PPFIA4: variants seen among roughly 807,000 people sequenced by gnomAD.
PPFIA4 encodes the protein liprin-alpha-4.
PPFIA4 carries 98 observed loss-of-function variants against 145.7 expected under a neutral mutation model. The ratio of observed to expected loss-of-function variants is 0.67; its 90% CI spans 0.57 to 0.80. The LOEUF (loss-of-function observed/expected upper bound fraction) is 0.80, where lower values mean the gene tolerates loss of function less well. PPFIA4 is among the 30% of genes least tolerant of loss of function. The pLI is 0.00. For synonymous variants in PPFIA4, 628 were observed against 649.6 expected (o/e 0.97, Z 0.51); for missense variants, 1,457 against 1,632.7 (o/e 0.89, Z 1.85).
At chr1:203,071,255 C>T (rs1001462909) in intron 27 of PPFIA4, among the ~76,000 whole-genome samples, 12 of 150,986 alleles carry the variant, frequency 7.9e-5, no homozygotes, top group East Asian at 7.8e-4. Context: ...CTGCAAGCTC[C>T]GCCTCCCGGG....
In PPFIA4 at chr1:203,076,717, C is replaced by G. The variant is rs1662577650; in HGVS notation, c.*327C>G. The G allele has an allele frequency of 1.3e-5, 5 of 392,774 alleles. No homozygotes were observed. The East Asian group carries it at 1.6e-4, about 13-fold the overall frequency. The allele number at this position is 392,774 out of a possible 1,614,324, so 24.3% of individuals were successfully genotyped here. A position where few individuals can be genotyped will look rare whatever the true frequency, so the allele number is the denominator to read the frequency against. On this transcript the variant is annotated 3_prime_UTR_variant, in exon 30 of 30. Coordinates refer to ENST00000295706, the MANE Select transcript of PPFIA4 (RefSeq NM_001304331.2). The stretch of plus-strand genomic sequence containing the variant: ...CCACCCTTCCTCTTCTGGACCCAGC[C>G]TGGTCTGCACTGCAACCTCCACCAG...
In PPFIA4 at chr1:203,078,369, C is replaced by G. The variant is rs1662674028; in HGVS notation, c.*1979C>G. 1.3e-5 allele frequency: 2 copies of G among 152,148 alleles called. No homozygotes were observed. Among genetic ancestry groups the G allele is most frequent in the Admixed American group, 6.5e-5 (1 of 15,278 alleles). The allele number at this position is 152,148 out of a possible 1,614,324, so 9.4% of individuals were successfully genotyped here. On this transcript the variant is annotated 3_prime_UTR_variant, in exon 30 of 30. Transcript: ENST00000295706. Reference sequence around the variant, plus strand: ...GGCTGGCTGTAAGGGAGACTCAGTCCCAGCCTCTCCCCTCTACAACTCCTG... The same window carrying G: ...GGCTGGCTGTAAGGGAGACTCAGTCGCAGCCTCTCCCCTCTACAACTCCTG...
At position 203,068,546 on chromosome 1, in the gene PPFIA4, A is replaced by G. The variant is rs1342372405; in HGVS notation, c.3242A>G (p.His1081Arg). 2.5e-6 allele frequency: 4 copies of G among 1,606,864 alleles called. No homozygotes were observed. The highest frequency in any genetic ancestry group is 1.3e-5 in the African/African-American group (1 of 74,546). Residue 1081 changes from histidine (H) to arginine (R), a missense_variant, in exon 27 of 30, where the codon CAT (histidine) becomes CGT (arginine). His to Arg is a conservative substitution (Grantham distance 29). Coordinates refer to ENST00000295706, the MANE Select transcript of PPFIA4 (RefSeq NM_001304331.2). This position sits in a 1 kb window ranked among gnomAD's most constrained non-coding sequence, Gnocchi z 4.7. ...YAGNLHESGV[H>R]GALLALDENF... is the part of the protein sequence containing the mutation. The stretch of plus-strand genomic sequence containing the variant: ...GGAAACCTGCATGAGAGTGGTGTGC[A>G]TGGAGCCTTGCTGGCCCTGGACGAG...
Position 203,046,036 on chromosome 1 carries a change from G to T in PPFIA4, c.1005+49G>T, listed in dbSNP as rs752055550. The T allele has an allele frequency of 2.1e-5, 34 of 1,610,042 alleles. No individual in the cohort carries two copies. In the East Asian group the frequency reaches 7.6e-4, roughly 36 times the overall value. On this transcript the variant is annotated intron_variant, in intron 8 of 29. Coordinates refer to ENST00000295706, the MANE Select transcript of PPFIA4 (RefSeq NM_001304331.2). The stretch of plus-strand genomic sequence containing the variant: ...GATGGGCATTGTACTTAGCCCTGGA[G>T]GTGTCCTCGTGAACCTACTGGTGAT...
In PPFIA4 at chr1:203,076,432, G is replaced by T; in HGVS notation, c.*42G>T. The T allele has an allele frequency of 6.3e-7, 1 of 1,575,342 alleles. No individual in the cohort carries two copies. On this transcript the variant is annotated 3_prime_UTR_variant, in exon 30 of 30. Coordinates refer to ENST00000295706, the MANE Select transcript of PPFIA4 (RefSeq NM_001304331.2). The stretch of plus-strand genomic sequence containing the variant: ...TGGCTTCCTCCTTCTGGGTTTCACA[G>T]GCTCCTCTGGCCCTGACCCCTCTTG...
rs974647823 is a variant in PPFIA4, at chr1:203,076,499, C to T, written c.*109C>T. On this transcript the variant is annotated 3_prime_UTR_variant, in exon 30 of 30. Transcript: ENST00000295706. ...CCGCAGCTCCTAGTCTCGTCCGTGA[C>T]TTTCCGGTTGCCCTGGATCTCAGAA... 1.3e-5 allele frequency: 15 copies of T among 1,142,278 alleles called. 1 individual carries two copies. Among genetic ancestry groups the T allele is most frequent in the Admixed American group, 1.8e-5 (1 of 56,092 alleles). 70.8% of individuals were successfully genotyped at this position (1,142,278 alleles called of 1,614,324 possible).
At position 203,039,941 on chromosome 1, in the gene PPFIA4, G is replaced by A. The variant is rs528421795; in HGVS notation, c.234+699G>A. ...TGCAGGTAGTGTGTGGTGGAGGCAG[G>A]AACTGAGCCTGGGGCTAAGTTTCTC... On this transcript the variant is annotated intron_variant, in intron 2 of 29. Transcript: ENST00000295706. 1.2e-4 allele frequency among the ~76,000 whole-genome samples: 18 copies of A among 152,336 alleles called. No homozygotes were observed. The South Asian group carries it at 3.7e-3, about 32-fold the overall frequency.
Position 203,068,056 on chromosome 1 carries a change from T to C in PPFIA4, c.3148+264T>C, listed in dbSNP as rs1391465405. ...CAGTGAATCCTCTGGGACGGTGTTA[T>C]AGACTGGTGTGCCTGTGGAACTTGT... is the stretch of plus-strand genomic sequence containing the variant. On this transcript the variant is annotated intron_variant, in intron 26 of 29. Coordinates refer to ENST00000295706, the MANE Select transcript of PPFIA4 (RefSeq NM_001304331.2). The surrounding 1 kb of genome is among the most constrained non-coding windows in gnomAD (Gnocchi z 4.7). 1.3e-5 allele frequency among the ~76,000 whole-genome samples: 2 copies of C among 152,172 alleles called. No individual in the cohort carries two copies. The highest frequency in any genetic ancestry group is 1.5e-5 in the Non-Finnish European group (1 of 68,032).
chr1:203,035,918 A>T (rs1659219772), intron 1 of PPFIA4, among the ~76,000 whole-genome samples: 1 of 152,208 alleles, frequency 6.6e-6, no homozygotes, highest in African/African-American at 2.4e-5. Context: ...GGCCAGGGGA[A>T]GTGGAGTTGC....
chr1:203,046,968 G>A (rs756234477), intron 9 of PPFIA4, among the ~76,000 whole-genome samples: 3 of 152,192 alleles, frequency 2.0e-5, no homozygotes, highest in Non-Finnish European at 4.4e-5. Context: ...AGGTGTGCTG[G>A]CTGAAAACAT....
At chr1:203,046,411 C>T (rs1660091112) in intron 9 of PPFIA4, 29 bp downstream of exon 9, 1 of 1,566,962 alleles carries the variant, frequency 6.4e-7, no homozygotes. Flanking sequence ...TGGGATCTGC[C>T]TCTGTCCCCC....
chr1:203,039,734 A>G (rs1273060183), intron 2 of PPFIA4, among the ~76,000 whole-genome samples: 5 of 152,204 alleles, frequency 3.3e-5, no homozygotes, highest in Non-Finnish European at 5.9e-5. Context: ...TCTCACACTC[A>G]ACAGCACAAC....
At chr1:203,058,133 G>A (rs988937661) in intron 19 of PPFIA4, among the ~76,000 whole-genome samples, 1 of 152,152 alleles carries the variant, frequency 6.6e-6, no homozygotes, top group African/African-American at 2.4e-5. Context: ...GGAACCTTTG[G>A]ACCCAAATGC....
rs138090363 is a variant in PPFIA4, at chr1:203,066,928, A to G, written c.3051-767A>G. On this transcript the variant is annotated intron_variant, in intron 25 of 29. Transcript: ENST00000295706. ...GGAATAATAAATATATGGTATGTTA[A>G]TAGACAAAACATGCTAGGAAAAAAT... Among the ~76,000 whole-genome samples, 20 of 152,316 alleles carry G rather than the reference A, an allele frequency of 1.3e-4. No individual in the cohort carries two copies. In the East Asian group the frequency reaches 3.1e-3, roughly 23 times the overall value.
intron 24 of PPFIA4, among the ~76,000 whole-genome samples, chr1:203,062,407 G>C (rs1218854436): frequency 4.2e-5 from 6 of 143,302 alleles, no homozygotes; most frequent in Non-Finnish European, 9.1e-5. Context: ...GTGAACCTGG[G>C]AGGCGGAGCT....
At chr1:203,044,236 G>C in intron 4 of PPFIA4, 141 bp downstream of exon 4, 1 of 1,179,056 alleles carries the variant, frequency 8.5e-7, no homozygotes, top group Non-Finnish European at 1.2e-6. Flanking sequence ...AGGTCCTCCT[G>C]TTAGGCTCCC....
chr1:203,047,019 C>T (rs1660135057), intron 9 of PPFIA4, among the ~76,000 whole-genome samples: 1 of 152,168 alleles, frequency 6.6e-6, no homozygotes, highest in Non-Finnish European at 1.5e-5. Context: ...TGGATTTAGA[C>T]ATGCAGGGGT....
At chr1:203,035,148 G>A (rs1571660268) in intron 1 of PPFIA4, 1 of 369,036 alleles carries the variant, frequency 2.7e-6, no homozygotes, top group South Asian at 1.9e-5. Flanking sequence ...ACCTCCAGCT[G>A]GGTGGGTGTC....
Position 203,063,880 on chromosome 1 carries a change from C to T in PPFIA4, c.2927C>T (p.Pro976Leu). The T allele has an allele frequency of 6.2e-7, 1 of 1,614,092 alleles. No homozygotes were observed. Among genetic ancestry groups the T allele is most frequent in the Middle Eastern group, 1.6e-4 (1 of 6,062 alleles). The change falls in exon 25 of 30, where the codon CCC becomes CTC. Residue 976 changes from proline (P) to leucine (L), a missense_variant. Physicochemically the swap from Pro to Leu is moderately conservative, Grantham distance 98. This residue lies in a region of PPFIA4 where 848 missense variants were observed against 1,046.7 expected (regional missense o/e 0.81). Coordinates refer to ENST00000295706, the MANE Select transcript of PPFIA4 (RefSeq NM_001304331.2). ...GAGTGGATTGGGAATGAATGGCTAC[C>T]CAGCCTGGGGCTCCCGCAGTACCGC... ...NHEWIGNEWL[P>L]SLGLPQYRSY...
Sources: gnomAD v4.1 joint callset for allele counts (sites outside exome capture counted in the v4.1 genomes callset) on GRCh38, gnomAD v4.1.1 for gene constraint, gnomAD v4.1.1 regional missense constraint, Gnocchi (gnomAD v3.1) non-coding constraint, MANE v1.5 for transcripts, NCBI Gene and HGNC (gene_info 2026-07-23, HGNC 2026-07-21) for gene names.